The following FGF10 variants were observed in gnomAD, a reference collection of about 807,000 sequenced individuals.
The protein encoded by FGF10 is fibroblast growth factor 10, also known as FGF-10.
Under a neutral mutation model 19.8 loss-of-function variants are expected in FGF10, and 2 were observed. The ratio of observed to expected loss-of-function variants is 0.10; its 90% CI spans 0.04 to 0.32. FGF10 has a LOEUF of 0.32. FGF10 is among the 10% of genes least tolerant of loss of function. FGF10 has a pLI of 1.00. For missense variants in FGF10, 191 were observed against 246.3 expected, an observed-to-expected ratio of 0.78 and a Z score of 1.50; for synonymous variants, 112 against 94.0, an observed-to-expected ratio of 1.19 and a Z score of -1.10.
chr5:44,364,854 T>C (rs1741569284), intron 1 of FGF10, among the ~76,000 whole-genome samples: 1 of 151,938 alleles, frequency 6.6e-6, no homozygotes, highest in Non-Finnish European at 1.5e-5. Flanking sequence ...TAATATTATC[T>C]GTGTAGGTGG....
intron 1 of FGF10, among the ~76,000 whole-genome samples, chr5:44,352,486 T>C (rs1374193918): frequency 2.0e-5 from 3 of 151,598 alleles, no homozygotes; most frequent in African/African-American, 7.3e-5. Context: ...GCTGCTGACA[T>C]AACTCTGATT....
At chr5:44,340,518 A>C (rs997613922) in intron 1 of FGF10, among the ~76,000 whole-genome samples, 1 of 152,122 alleles carries the variant, frequency 6.6e-6, no homozygotes, top group African/African-American at 2.4e-5. Flanking sequence ...ATAATAGGAC[A>C]CAGATAAATG....
At chr5:44,369,836 A>G (rs931299640) in intron 1 of FGF10, among the ~76,000 whole-genome samples, 7 of 152,276 alleles carry the variant, frequency 4.6e-5, no homozygotes, top group African/African-American at 1.4e-4. Flanking sequence ...GCAAAAATAC[A>G]AAATGTGCAA....
intron 1 of FGF10, among the ~76,000 whole-genome samples, chr5:44,384,817 C>T (rs747725657): frequency 2.7e-4 from 41 of 152,090 alleles, no homozygotes; most frequent in Non-Finnish European, 4.6e-4. Context: ...TTCTTCTTTC[C>T]CAGAAAGGCC....
chr5:44,388,760 G>A lies in FGF10; in HGVS notation c.-78C>T, dbSNP rs2111941600. ...AAGGGTAAGACCCGATGCAAGGCAAGGAGAGAGCTCGAGGTGGTGGCTGCT... is the reference window on the plus strand; with the variant it reads ...AAGGGTAAGACCCGATGCAAGGCAAAGAGAGAGCTCGAGGTGGTGGCTGCT... On this transcript the variant is annotated 5_prime_UTR_variant, in exon 1 of 3. Coordinates refer to ENST00000264664, the MANE Select transcript of FGF10 (RefSeq NM_004465.2). 1.3e-6 allele frequency: 2 copies of A among 1,485,980 alleles called. No individual in the cohort carries two copies. The highest frequency in any genetic ancestry group is 1.9e-6 in the Non-Finnish European group (2 of 1,072,166). The allele number at this position is 1,485,980 out of a possible 1,614,324, so 92.0% of individuals were successfully genotyped here.
chr5:44,306,694 G>T (rs1740083909), intron 2 of FGF10, among the ~76,000 whole-genome samples: 2 of 152,128 alleles, frequency 1.3e-5, no homozygotes, highest in African/African-American at 4.8e-5. Context: ...ACCATAAGAA[G>T]CAGATGTATT....
chr5:44,325,740 G>A (rs1390696837), intron 1 of FGF10, among the ~76,000 whole-genome samples: 1 of 132,588 alleles, frequency 7.5e-6, no homozygotes, highest in Non-Finnish European at 1.6e-5. Context: ...GGGGAGGGGG[G>A]AGGGATAGCA....
chr5:44,363,707 G>T (rs1324857323), intron 1 of FGF10, among the ~76,000 whole-genome samples: 7 of 151,882 alleles, frequency 4.6e-5, no homozygotes, highest in Non-Finnish European at 8.8e-5. Context: ...CAATATGGAA[G>T]AAGTAACTTT....
Position 44,388,788 on chromosome 5 carries a change from T to C in FGF10, c.-106A>G. ...GAGAGCTCGAGGTGGTGGCTGCTGG[T>C]TAGCTCCCTCTGGGCGCGGATCTGG... is the stretch of plus-strand genomic sequence containing the variant. On this transcript the variant is annotated 5_prime_UTR_variant, in exon 1 of 3. It removes the in-frame stop codon of an upstream open reading frame in the 5' UTR. Transcript: ENST00000264664. The C allele has an allele frequency of 8.5e-7, 1 of 1,182,622 alleles. No individual in the cohort carries two copies. Among genetic ancestry groups the C allele is most frequent in the East Asian group, 2.5e-5 (1 of 40,208 alleles). The allele number at this position is 1,182,622 out of a possible 1,614,324, so 73.3% of individuals were successfully genotyped here. A position where few individuals can be genotyped will look rare whatever the true frequency, so the allele number is the denominator to read the frequency against.
intron 1 of FGF10, among the ~76,000 whole-genome samples, chr5:44,373,135 C>T (rs560104369): frequency 1.8e-4 from 28 of 152,246 alleles, no homozygotes; most frequent in African/African-American, 6.5e-4. Flanking sequence ...ACTCTGTGGT[C>T]CTCCCATGTA....
chr5:44,332,974 G>A (rs1740771513), intron 1 of FGF10, among the ~76,000 whole-genome samples: 1 of 152,060 alleles, frequency 6.6e-6, no homozygotes, highest in South Asian at 2.1e-4. Flanking sequence ...CATAGTTCTT[G>A]ATCACTAGCA....
intron 1 of FGF10, among the ~76,000 whole-genome samples, chr5:44,381,602 A>G: frequency 6.6e-6 from 1 of 152,238 alleles, no homozygotes; most frequent in East Asian, 1.9e-4. Context: ...GCTATTAGAA[A>G]GAAGTCAATG....
chr5:44,319,950 C>T (rs1436589401), intron 1 of FGF10, among the ~76,000 whole-genome samples: 1 of 152,170 alleles, frequency 6.6e-6, no homozygotes, highest in Non-Finnish European at 1.5e-5. Context: ...TCTGTATTTG[C>T]AGCCACTCCA....
intron 1 of FGF10, among the ~76,000 whole-genome samples, chr5:44,377,750 A>G (rs924991733): frequency 1.3e-5 from 2 of 152,260 alleles, no homozygotes; most frequent in East Asian, 3.8e-4. Context: ...AAATATTTGC[A>G]TATACATAAT....
At chr5:44,318,005 G>A (rs1475193198) in intron 1 of FGF10, among the ~76,000 whole-genome samples, 3 of 152,000 alleles carry the variant, frequency 2.0e-5, no homozygotes, top group Non-Finnish European at 4.4e-5. Context: ...GTAAAATAAA[G>A]ATCTAGAAAA....
chr5:44,330,802 A>C (rs1051591939), intron 1 of FGF10, among the ~76,000 whole-genome samples: 10 of 152,182 alleles, frequency 6.6e-5, no homozygotes, highest in Non-Finnish European at 1.3e-4. Flanking sequence ...GTCTCTTAGA[A>C]AAATGTCAAA....
chr5:44,318,821 C>A (rs1213249718), intron 1 of FGF10, among the ~76,000 whole-genome samples: 1 of 152,096 alleles, frequency 6.6e-6, no homozygotes, highest in Non-Finnish European at 1.5e-5. Context: ...TTTGAGATAT[C>A]TTCTATGTTC....
At chr5:44,373,349 G>A (rs568620047) in intron 1 of FGF10, among the ~76,000 whole-genome samples, 13 of 152,206 alleles carry the variant, frequency 8.5e-5, no homozygotes, top group African/African-American at 3.1e-4. Flanking sequence ...TCCCAACTTA[G>A]CATCTTTTGC....
At chr5:44,377,868 T>C (rs1179805654) in intron 1 of FGF10, among the ~76,000 whole-genome samples, 1 of 152,234 alleles carries the variant, frequency 6.6e-6, no homozygotes, top group East Asian at 1.9e-4. Context: ...ATTTTGTTCA[T>C]GAAACAAAGT....
Sources: allele counts gnomAD v4.1 joint callset (sites outside exome capture counted in the v4.1 genomes callset), GRCh38; gene constraint gnomAD v4.1.1; transcripts MANE v1.5; gene names NCBI Gene and HGNC (gene_info 2026-07-23, HGNC 2026-07-21).